The following SSBP3 variants were observed in gnomAD, a reference collection of about 807,000 sequenced individuals.
SSBP3 encodes single stranded DNA binding protein 3.
In SSBP3, 5 loss-of-function variants were observed where a neutral mutation model predicts 69.6. The ratio of observed to expected loss-of-function variants is 0.07; its 90% CI spans 0.04 to 0.15. The LOEUF (loss-of-function observed/expected upper bound fraction) is 0.15. SSBP3 is among the 10% of genes least tolerant of loss of function. The pLI is 1.00. For synonymous variants in SSBP3, 196 were observed against 193.4 expected (o/e 1.01, Z -0.11); for missense variants, 312 against 534.0 (o/e 0.58, Z 4.10).
chr1:54,241,466 A>G lies in SSBP3; in HGVS notation c.801+8T>C, dbSNP rs1439997639. On this transcript the variant is annotated splice_region_variant and intron_variant, in intron 12 of 17. Coordinates refer to ENST00000610401, the Ensembl canonical transcript of SSBP3. ...TAGACATGCAATGCCCCAAACCCAC[A>G]CACTTACCACATAGGTACCAGGTGA... 1 of 1,614,150 alleles carries G rather than the reference A, an allele frequency of 6.2e-7. No homozygotes were observed. Among genetic ancestry groups the G allele is most frequent in the South Asian group, 1.1e-5 (1 of 91,082 alleles).
chr1:54,257,010 G>T (rs922504843), intron 7 of SSBP3, 117 bp downstream of exon 7: 5 of 1,085,474 alleles, frequency 4.6e-6, no homozygotes, highest in Admixed American at 5.7e-5. Context: ...TACCAGCCAC[G>T]TTAAACCTGC....
intron 9 of SSBP3, among the ~76,000 whole-genome samples, chr1:54,247,631 A>G (rs1194890033): frequency 1.3e-5 from 2 of 152,154 alleles, no homozygotes; most frequent in South Asian, 2.1e-4. Context: ...AAATGCAGAC[A>G]AACCAGGATA....
chr1:54,248,522 T>C (rs1570253453), intron 9 of SSBP3, among the ~76,000 whole-genome samples: 2 of 152,196 alleles, frequency 1.3e-5, no homozygotes, highest in East Asian at 3.9e-4. Context: ...TCTGGGCTTG[T>C]CCCTGTCCTG....
At chr1:54,252,767 T>TG (rs977714159) in intron 7 of SSBP3, among the ~76,000 whole-genome samples, 17 of 152,232 alleles carry the variant, frequency 1.1e-4, no homozygotes, top group Admixed American at 4.6e-4. Context: ...TAGGAGTTGC[T>TG]GGGGGGAAGT....
Position 54,258,805 on chromosome 1 carries a change from G to A in SSBP3, c.367-656C>T, listed in dbSNP as rs569630478. 4.0e-4 allele frequency among the ~76,000 whole-genome samples: 61 copies of A among 152,298 alleles called. No homozygotes were observed. Among genetic ancestry groups the A allele is most frequent in the Middle Eastern group, 3.4e-3 (1 of 294 alleles). On this transcript the variant is annotated intron_variant, in intron 5 of 17. Transcript: ENST00000610401. This position sits in a 1 kb window ranked among gnomAD's most constrained non-coding sequence, Gnocchi z 4.5. The stretch of plus-strand genomic sequence containing the variant: ...ACAGTGAGTGAGGGCCACACGGTGT[G>A]GGCAGCACAGACTCGCACACCGTGA...
chr1:54,320,464 C>A (rs1646192109), intron 4 of SSBP3, among the ~76,000 whole-genome samples: 1 of 146,638 alleles, frequency 6.8e-6, no homozygotes, highest in Non-Finnish European at 1.5e-5. Context: ...ACTACAGGTG[C>A]CCGCCACCAT....
chr1:54,342,808 TTCCCCGAGTC>T (rs1646631602), intron 4 of SSBP3, among the ~76,000 whole-genome samples: 1 of 152,132 alleles, frequency 6.6e-6, no homozygotes, highest in Non-Finnish European at 1.5e-5. Flanking sequence ...GGCAGGACCC[TTCCCCGAGTC>T]TCCCACACCC....
chr1:54,411,050 G>A (rs190145410), upstream of SSBP3, among the ~76,000 whole-genome samples: 3 of 152,360 alleles, frequency 2.0e-5, no homozygotes, highest in Non-Finnish European at 4.4e-5. Flanking sequence ...TACTTCTCCT[G>A]AGCCAATTTG....
At chr1:54,269,969 C>T (rs574267771) in intron 5 of SSBP3, among the ~76,000 whole-genome samples, 12 of 152,330 alleles carry the variant, frequency 7.9e-5, no homozygotes, top group African/African-American at 2.9e-4. Flanking sequence ...CAGAGGCTGC[C>T]CTACCTCCCA....
intron 4 of SSBP3, among the ~76,000 whole-genome samples, chr1:54,287,904 G>A (rs1437081298): frequency 2.0e-5 from 3 of 152,274 alleles, no homozygotes; most frequent in South Asian, 4.1e-4. Context: ...CTGTTGCTAC[G>A]TGAAGAGGCA....
At chr1:54,356,140 CG>C (rs1646859404) in intron 4 of SSBP3, among the ~76,000 whole-genome samples, 1 of 152,170 alleles carries the variant, frequency 6.6e-6, no homozygotes, top group African/African-American at 2.4e-5. Flanking sequence ...TTGCAAGTGC[CG>C]GCTGAACTTC....
chr1:54,352,183 C>CTTTTTT, intron 4 of SSBP3, among the ~76,000 whole-genome samples: 1 of 95,236 alleles, frequency 1.1e-5, no homozygotes, highest in East Asian at 3.2e-4. Context: ...CCAAAAAAAA[C>CTTTTTT]AGTCCCCTCA....
chr1:54,329,557 C>G (rs1646370414), intron 4 of SSBP3, among the ~76,000 whole-genome samples: 1 of 152,228 alleles, frequency 6.6e-6, no homozygotes, highest in Non-Finnish European at 1.5e-5. Context: ...CCTCTGCCAC[C>G]TGCCTGTGCT....
chr1:54,233,587 G>T (rs1490223346), intron 14 of SSBP3, among the ~76,000 whole-genome samples: 4 of 147,374 alleles, frequency 2.7e-5, no homozygotes, highest in Non-Finnish European at 4.5e-5. Context: ...GGAGGGAGGT[G>T]GGGGGGTCAG....
upstream of SSBP3, among the ~76,000 whole-genome samples, chr1:54,406,603 C>A (rs1358897590): frequency 1.3e-5 from 2 of 151,764 alleles, no homozygotes; most frequent in Non-Finnish European, 2.9e-5. Flanking sequence ...GAACTGGGGG[C>A]GTCCGGGGGC....
At chr1:54,227,414 G>A (rs899457215) in intron 17 of SSBP3, among the ~76,000 whole-genome samples, 4 of 152,130 alleles carry the variant, frequency 2.6e-5, no homozygotes, top group African/African-American at 7.2e-5. Flanking sequence ...GGCAGCTGAC[G>A]GCGCCTCCCC....
intron 4 of SSBP3, among the ~76,000 whole-genome samples, chr1:54,361,778 C>T (rs1646956055): frequency 6.6e-6 from 1 of 152,084 alleles, no homozygotes; most frequent in South Asian, 2.1e-4. Context: ...CCAGACATGC[C>T]AGATACACTC....
At chr1:54,318,223 C>T (rs1646148970) in intron 4 of SSBP3, among the ~76,000 whole-genome samples, 1 of 152,172 alleles carries the variant, frequency 6.6e-6, no homozygotes, top group African/African-American at 2.4e-5. Context: ...CAGGAACCTT[C>T]TGGGAGTATT....
chr1:54,310,826 G>C (rs1645988553), intron 4 of SSBP3, among the ~76,000 whole-genome samples: 1 of 152,162 alleles, frequency 6.6e-6, no homozygotes. Context: ...CACCTGTGAG[G>C]ATGGGGGGAG....
Sources: gnomAD v4.1 joint callset for allele counts (sites outside exome capture counted in the v4.1 genomes callset) on GRCh38, gnomAD v4.1.1 for gene constraint, Gnocchi (gnomAD v3.1) non-coding constraint, MANE v1.5 for transcripts, NCBI Gene and HGNC (gene_info 2026-07-23, HGNC 2026-07-21) for gene names.